The following AGBL1 variants were observed in gnomAD, a reference collection of about 807,000 sequenced individuals.
AGBL1 encodes AGBL carboxypeptidase 1, also known as cytosolic carboxypeptidase 4.
A neutral mutation model predicts 118.9 loss-of-function variants in AGBL1; 130 were observed. The observed-to-expected ratio is 1.09, with a 90% CI of 0.95 to 1.26. The LOEUF (loss-of-function observed/expected upper bound fraction) is 1.26, where lower values mean the gene tolerates loss of function less well. AGBL1 is among the 50% of genes most tolerant of loss of function. The probability of loss-of-function intolerance (pLI) is 0.00; values close to 1 mark genes in which losing one functional copy is unlikely to be tolerated. For synonymous variants in AGBL1, 555 were observed against 478.9 expected (o/e 1.16, Z -2.08); for missense variants, 1,584 against 1,298.1 (o/e 1.22, Z -3.38).
chr15:86,332,189 G>T (rs868697967), intron 17 of AGBL1, among the ~76,000 whole-genome samples: 8 of 152,108 alleles, frequency 5.3e-5, no homozygotes, highest in South Asian at 2.1e-4. Flanking sequence ...GATGATAAAG[G>T]GTTCAATTCA....
chr15:86,687,438 G>A (rs549865636), intron 22 of AGBL1, among the ~76,000 whole-genome samples: 1 of 152,184 alleles, frequency 6.6e-6, no homozygotes, highest in South Asian at 2.1e-4. Flanking sequence ...CCCTACCCAA[G>A]AACAATGGCC....
At chr15:86,556,151 A>G in intron 21 of AGBL1, 4 of 1,327,608 alleles carry the variant, frequency 3.0e-6, no homozygotes, top group Non-Finnish European at 4.2e-6. Flanking sequence ...CTGGAAACTC[A>G]AAGTTCTCTG....
chr15:86,460,629 A>C (rs568421601), intron 18 of AGBL1, among the ~76,000 whole-genome samples: 1 of 152,320 alleles, frequency 6.6e-6, no homozygotes, highest in African/African-American at 2.4e-5. Context: ...CGAACTTGGG[A>C]ATTTGCAAGT....
At chr15:86,104,679 G>A (rs915770832) in intron 1 of AGBL1, among the ~76,000 whole-genome samples, 1 of 152,204 alleles carries the variant, frequency 6.6e-6, no homozygotes, top group African/African-American at 2.4e-5. Context: ...AGGGATGCCC[G>A]TGGGGCTCCC....
At chr15:86,256,755 C>A in intron 7 of AGBL1, 98 bp from the exon 8 acceptor site, 4 of 1,234,068 alleles carry the variant, frequency 3.2e-6, no homozygotes, top group Non-Finnish European at 4.5e-6. Flanking sequence ...AGCTAGGAGA[C>A]TGTGCTGTGT....
At chr15:86,469,485 A>G (rs1366326836) in intron 18 of AGBL1, among the ~76,000 whole-genome samples, 1 of 152,160 alleles carries the variant, frequency 6.6e-6, no homozygotes, top group African/African-American at 2.4e-5. Context: ...TCATCTCTCC[A>G]TGGACACTTA....
At chr15:86,496,940 G>A (rs555875869) in intron 18 of AGBL1, among the ~76,000 whole-genome samples, 3 of 152,014 alleles carry the variant, frequency 2.0e-5, no homozygotes, top group Non-Finnish European at 4.4e-5. Flanking sequence ...TACGGTGTAC[G>A]ACATGATGTT....
At chr15:86,846,259 G>A (rs1567204164) in intron 22 of AGBL1, among the ~76,000 whole-genome samples, 1 of 152,170 alleles carries the variant, frequency 6.6e-6, no homozygotes, top group Non-Finnish European at 1.5e-5. Context: ...CATTTTTGAA[G>A]GATAGTGTTC....
chr15:86,507,256 T>C (rs1338284866), intron 18 of AGBL1, among the ~76,000 whole-genome samples: 3 of 152,120 alleles, frequency 2.0e-5, no homozygotes, highest in East Asian at 1.9e-4. Flanking sequence ...GTAAGAAAGA[T>C]GAAGATCTAA....
chr15:86,390,710 C>T (rs1180897840), intron 17 of AGBL1, among the ~76,000 whole-genome samples: 2 of 111,108 alleles, frequency 1.8e-5, no homozygotes, highest in Admixed American at 1.2e-4. Flanking sequence ...GCTCTTGTCA[C>T]CCAGCCTGGA....
At chr15:86,917,901 T>C (rs74027171), downstream of AGBL1, among the ~76,000 whole-genome samples, 39,378 of 151,826 alleles carry the variant, frequency 0.26, 5,272 homozygotes, top group South Asian at 0.42. This position sits in a 1 kb window ranked among gnomAD's most constrained non-coding sequence, Gnocchi z 4.8. Context: ...TTTTAAGTTG[T>C]TCTCTGTTCT....
chr15:86,516,321 G>C (rs1233999308), intron 18 of AGBL1, among the ~76,000 whole-genome samples: 2 of 152,188 alleles, frequency 1.3e-5, no homozygotes. Flanking sequence ...ATGGGAGGAA[G>C]GTTGTGCAGT....
At position 86,209,704 on chromosome 15, in the gene AGBL1, G is replaced by T. The variant is rs139823755; in HGVS notation, c.489-15210G>T. Among the ~76,000 whole-genome samples the T allele has an allele frequency of 5.2e-3, 798 of 152,146 alleles. 4 individuals are homozygous for T. Among genetic ancestry groups the T allele is most frequent in the African/African-American group, 0.012 (496 of 41,500 alleles). On this transcript the variant is annotated intron_variant, in intron 5 of 22. Transcript: ENST00000614907. Reference sequence around the variant, plus strand: ...CCATCCCTTTATTTTGAGCCTGTGTGTGTCTCTGCATGTGAGATGGGTCTC... The same window carrying T: ...CCATCCCTTTATTTTGAGCCTGTGTTTGTCTCTGCATGTGAGATGGGTCTC...
At position 86,554,514 on chromosome 15, in the gene AGBL1, G is replaced by A; in HGVS notation, c.2971G>A (p.Gly991Ser). 6.4e-7 allele frequency: 1 copy of A among 1,551,696 alleles called. No individual in the cohort carries two copies. Among genetic ancestry groups the A allele is most frequent in the Non-Finnish European group, 8.7e-7 (1 of 1,151,632 alleles). ...CTACACCATGGAAAGCAGCTACTGT[G>A]GCTGCAACCAGGGCCCTTATCAGGT... is the stretch of plus-strand genomic sequence containing the variant. ...RSYTMESSYC[G>S]CNQGPYQGLQ... Residue 991 changes from glycine (G) to serine (S), a missense_variant, in exon 21 of 23, where the codon GGC becomes AGC. Gly to Ser is a moderately conservative substitution (Grantham distance 56). Coordinates refer to ENST00000614907, the MANE Select transcript of AGBL1 (RefSeq NM_001386094.1).
At chr15:86,767,038 C>T (rs1199368068) in intron 22 of AGBL1, among the ~76,000 whole-genome samples, 1 of 151,860 alleles carries the variant, frequency 6.6e-6, no homozygotes, top group Non-Finnish European at 1.5e-5. Flanking sequence ...AAATAGTAAT[C>T]ATGTTTAAGA....
At chr15:86,587,386 C>A (rs74523528) in intron 21 of AGBL1, among the ~76,000 whole-genome samples, 7 of 152,044 alleles carry the variant, frequency 4.6e-5, no homozygotes, top group African/African-American at 1.7e-4. Context: ...AGATGGAATC[C>A]GAGCTCACCT....
At chr15:86,346,990 G>A (rs1243902863) in intron 17 of AGBL1, among the ~76,000 whole-genome samples, 1 of 152,148 alleles carries the variant, frequency 6.6e-6, no homozygotes, top group Non-Finnish European at 1.5e-5. Context: ...GGATCCTGGT[G>A]GAGCTTTGAG....
chr15:86,845,691 C>G (rs1212556244), intron 22 of AGBL1, among the ~76,000 whole-genome samples: 2 of 152,136 alleles, frequency 1.3e-5, no homozygotes, highest in South Asian at 4.1e-4. Flanking sequence ...ACCAGTGAAG[C>G]CATCTGCGCC....
intron 17 of AGBL1, among the ~76,000 whole-genome samples, chr15:86,372,958 T>A (rs1378699044): frequency 6.6e-6 from 1 of 152,204 alleles, no homozygotes; most frequent in Non-Finnish European, 1.5e-5. Context: ...AATTTTAAAG[T>A]GCTGGGAAGA....
Sources: gnomAD v4.1 joint callset for allele counts (sites outside exome capture counted in the v4.1 genomes callset) on GRCh38, gnomAD v4.1.1 for gene constraint, Gnocchi (gnomAD v3.1) non-coding constraint, MANE v1.5 for transcripts, NCBI Gene and HGNC (gene_info 2026-07-23, HGNC 2026-07-21) for gene names.